The following ULK4 variants were observed in gnomAD, a reference collection of about 807,000 sequenced individuals.
ULK4 encodes the protein unc-51 like kinase 4.
A neutral mutation model predicts 160.6 loss-of-function variants in ULK4; 133 were observed. That is an observed-to-expected ratio of 0.83 (90% confidence interval 0.72 to 0.96). The LOEUF (loss-of-function observed/expected upper bound fraction) is 0.96. Among genes scored for constraint, ULK4 ranks in the 40% least tolerant of loss-of-function variants. The pLI is 0.00. For missense variants in ULK4, 1,580 were observed against 1,499.5 expected (o/e 1.05, Z -0.89); for synonymous variants, 534 against 539.8 (o/e 0.99, Z 0.15).
At chr3:41,386,678 C>A (rs1010915291) in intron 35 of ULK4, among the ~76,000 whole-genome samples, 2 of 152,120 alleles carry the variant, frequency 1.3e-5, no homozygotes, top group Non-Finnish European at 2.9e-5. Context: ...GTCACCAGAC[C>A]TGGTTGATTT....
Position 41,451,167 on chromosome 3 carries a change from A to G in ULK4, c.3492+4330T>C, listed in dbSNP as rs188124592. Among the ~76,000 whole-genome samples, 9 of 152,280 alleles carry G rather than the reference A, an allele frequency of 5.9e-5. No individual in the cohort carries two copies. The East Asian group carries it at 1.7e-3, about 29-fold the overall frequency. ...TAAGCAGTGGATAGTATTCAAGGAAACTGGACCCTGTGCTTTTACATATGT... is the reference window on the plus strand; with the variant it reads ...TAAGCAGTGGATAGTATTCAAGGAAGCTGGACCCTGTGCTTTTACATATGT... On this transcript the variant is annotated intron_variant, in intron 34 of 36. Transcript: ENST00000301831.
intron 30 of ULK4, among the ~76,000 whole-genome samples, chr3:41,644,564 G>C (rs999560778): frequency 4.6e-5 from 7 of 152,040 alleles, no homozygotes; most frequent in Non-Finnish European, 8.8e-5. Flanking sequence ...TGGTGGATAA[G>C]CTTTTGGATG....
chr3:41,901,479 C>CTTGTTTTTTTTTTTTTTT (rs1698359125), intron 12 of ULK4, among the ~76,000 whole-genome samples: 1 of 22,526 alleles, frequency 4.4e-5, no homozygotes, highest in Non-Finnish European at 1.7e-4. Flanking sequence ...CACGCCCAGC[C>CTTGTTTTTTTTTTTTTTT]TTTTTTTTTT....
intron 2 of ULK4, among the ~76,000 whole-genome samples, chr3:41,946,637 A>G (rs1488783829): frequency 2.0e-5 from 3 of 152,132 alleles, no homozygotes; most frequent in Non-Finnish European, 4.4e-5. Context: ...CAGTTTACCA[A>G]CGTAGTGAAA....
intron 30 of ULK4, among the ~76,000 whole-genome samples, chr3:41,644,196 C>A (rs747618255): frequency 1.3e-5 from 2 of 152,038 alleles, no homozygotes; most frequent in African/African-American, 2.4e-5. Flanking sequence ...CCTTCTCCTG[C>A]CTAATTGTCC....
chr3:41,609,911 C>A (rs2032584818), intron 31 of ULK4, among the ~76,000 whole-genome samples: 1 of 151,600 alleles, frequency 6.6e-6, no homozygotes, highest in South Asian at 2.1e-4. Context: ...GAGTTTGAGG[C>A]TGCAATAAGC....
At chr3:41,721,295 C>T (rs1399645666) in intron 22 of ULK4, among the ~76,000 whole-genome samples, 1 of 51,432 alleles carries the variant, frequency 1.9e-5, no homozygotes, top group Admixed American at 2.6e-4. Flanking sequence ...GGGTTTTGAA[C>T]CATGAGTATG....
At chr3:41,594,797 GA>G (rs2031577463) in intron 31 of ULK4, among the ~76,000 whole-genome samples, 2 of 152,196 alleles carry the variant, frequency 1.3e-5, no homozygotes, top group South Asian at 4.1e-4. Context: ...CAGGGGAGAT[GA>G]AAGGAGAAGC....
At chr3:41,381,994 T>C (rs893488817) in intron 35 of ULK4, among the ~76,000 whole-genome samples, 2 of 152,192 alleles carry the variant, frequency 1.3e-5, no homozygotes, top group Admixed American at 1.3e-4. Context: ...TAGCACTTGC[T>C]ATTTCCCTGC....
intron 30 of ULK4, among the ~76,000 whole-genome samples, chr3:41,631,437 T>C (rs1025510287): frequency 6.6e-6 from 1 of 152,128 alleles, no homozygotes; most frequent in Non-Finnish European, 1.5e-5. Context: ...GAGAAAGTCT[T>C]AGAATTAAGT....
chr3:41,876,191 G>A (rs1697296198), intron 17 of ULK4, among the ~76,000 whole-genome samples: 1 of 152,026 alleles, frequency 6.6e-6, no homozygotes, highest in Non-Finnish European at 1.5e-5. Context: ...AAAAACATGA[G>A]GAAAGAGACT....
intron 17 of ULK4, among the ~76,000 whole-genome samples, chr3:41,873,221 TTTC>T (rs1170741677): frequency 1.7e-5 from 2 of 114,350 alleles, no homozygotes; most frequent in African/African-American, 4.9e-5. Context: ...ATGAGTTGCC[TTTC>T]TTTTTTTTTT....
intron 34 of ULK4, among the ~76,000 whole-genome samples, chr3:41,414,579 A>T (rs1467066026): frequency 2.0e-5 from 3 of 152,226 alleles, no homozygotes; most frequent in African/African-American, 7.2e-5. Flanking sequence ...TTAACTAGCC[A>T]AGAAAGAAAA....
intron 20 of ULK4, among the ~76,000 whole-genome samples, chr3:41,790,413 G>A (rs17281546): frequency 0.02 from 3,074 of 152,270 alleles, 32 homozygotes; most frequent in Non-Finnish European, 0.031. Flanking sequence ...ACCCTAGACC[G>A]TTCCTAAATT....
rs1453678993 is a variant in ULK4 at position 41,913,082 on chromosome 3, A to AAAC, written c.804-186_804-184dup. 5.3e-6 allele frequency: 3 copies of AAAC among 565,706 alleles called. No homozygotes were observed. In the African/African-American group the frequency reaches 5.6e-5, roughly 11 times the overall value. 35.0% of individuals were successfully genotyped at this position (565,706 alleles called of 1,614,324 possible). ...CTCTTTTAGACAGCAAGATAAAAAGAAACAATTCAGAAGCATTAAATGGTA... is the reference window on the plus strand; with the variant it reads ...CTCTTTTAGACAGCAAGATAAAAAGAAACAACAATTCAGAAGCATTAAATGGTA... On this transcript the variant is annotated intron_variant, in intron 8 of 36. Transcript: ENST00000301831.
chr3:41,331,175 C>T (rs1166108755), intron 35 of ULK4, among the ~76,000 whole-genome samples: 2 of 152,106 alleles, frequency 1.3e-5, no homozygotes, highest in African/African-American at 4.8e-5. Flanking sequence ...CATTAGGGTT[C>T]AAGATCTAGT....
chr3:41,746,962 C>A (rs1184753676), intron 22 of ULK4, among the ~76,000 whole-genome samples: 2 of 151,812 alleles, frequency 1.3e-5, no homozygotes, highest in African/African-American at 4.9e-5. Flanking sequence ...AAACCAAAAC[C>A]AAAAGAAAAC....
At chr3:41,376,876 T>A (rs1380628272) in intron 35 of ULK4, among the ~76,000 whole-genome samples, 2 of 149,576 alleles carry the variant, frequency 1.3e-5, no homozygotes, top group Non-Finnish European at 2.9e-5. Context: ...AAAAACTACT[T>A]TCAAGTTCAT....
intron 35 of ULK4, among the ~76,000 whole-genome samples, chr3:41,331,716 T>C (rs1049762681): frequency 6.6e-6 from 1 of 152,224 alleles, no homozygotes; most frequent in Non-Finnish European, 1.5e-5. Flanking sequence ...ACAGAATCTC[T>C]AAAGTTGTTT....
Sources: gnomAD v4.1 joint callset for allele counts (sites outside exome capture counted in the v4.1 genomes callset) on GRCh38, gnomAD v4.1.1 for gene constraint, MANE v1.5 for transcripts, NCBI Gene and HGNC (gene_info 2026-07-23, HGNC 2026-07-21) for gene names.